Variants in ANKRD29 observed in about 807,000 individuals in gnomAD.
ANKRD29 encodes the protein ankyrin repeat domain-containing protein 29.
In ANKRD29, 32 loss-of-function variants were observed where a neutral mutation model predicts 38.0. That is an observed-to-expected ratio of 0.84 (90% CI 0.64 to 1.13). ANKRD29 has a LOEUF of 1.13. Among genes scored for constraint, ANKRD29 ranks in the 50% most tolerant of loss-of-function variants. The pLI is 0.00. For synonymous variants in ANKRD29, 135 were observed against 152.4 expected, an observed-to-expected ratio of 0.89 and a Z score of 0.84; for missense variants, 357 against 377.9, an observed-to-expected ratio of 0.94 and a Z score of 0.46.
At chr18:23,656,757 C>T (rs779426336) in intron 1 of ANKRD29, among the ~76,000 whole-genome samples, 12 of 151,970 alleles carry the variant, frequency 7.9e-5, no homozygotes, top group South Asian at 2.1e-4. Context: ...TTATTGTGGC[C>T]GTGGGTGCAT....
intron 1 of ANKRD29, among the ~76,000 whole-genome samples, chr18:23,657,264 A>C (rs1309322037): frequency 6.6e-6 from 1 of 152,102 alleles, no homozygotes; most frequent in Admixed American, 6.5e-5. Flanking sequence ...ATCCACACTC[A>C]ACCTCACCTC....
chr18:23,655,366 T>A (rs1473065467), intron 1 of ANKRD29, among the ~76,000 whole-genome samples: 1 of 152,148 alleles, frequency 6.6e-6, no homozygotes, highest in Non-Finnish European at 1.5e-5. Flanking sequence ...CTTTGTAGAA[T>A]AAGATACCCA....
chr18:23,648,622 G>C (rs886530536), intron 2 of ANKRD29: 5 of 328,918 alleles, frequency 1.5e-5, no homozygotes, highest in African/African-American at 4.2e-5. Flanking sequence ...TTGCCAATTA[G>C]TGTATTTATG....
chr18:23,648,854 A>G (rs908045380), intron 2 of ANKRD29: 2 of 457,948 alleles, frequency 4.4e-6, no homozygotes, highest in Admixed American at 4.1e-5. Flanking sequence ...CTCTTTCCCT[A>G]TTGTGGTTGC....
chr18:23,617,634 C>T, intron 8 of ANKRD29, 98 bp downstream of exon 8: 4 of 844,846 alleles, frequency 4.7e-6, no homozygotes, highest in Middle Eastern at 4.6e-4. Context: ...ATCCAACTAA[C>T]CAGGCTAACT....
chr18:23,662,891 G>A lies in ANKRD29; in HGVS notation c.-161C>T. 1 of 535,314 alleles carries A rather than the reference G, an allele frequency of 1.9e-6. No individual in the cohort carries two copies. Among genetic ancestry groups the A allele is most frequent in the Non-Finnish European group, 2.4e-6 (1 of 415,786 alleles). 33.2% of individuals were successfully genotyped at this position (535,314 alleles called of 1,614,324 possible). A position where few individuals can be genotyped will look rare whatever the true frequency, so the allele number is the denominator to read the frequency against. On this transcript the variant is annotated 5_prime_UTR_variant, in exon 1 of 10. Transcript: ENST00000592179. ...CCCGGCAGCAGCCGCCGCACACAGG[G>A]CCGGGCCGAAGGGGCGGCGCGGGGG...
intron 2 of ANKRD29, chr18:23,646,735 A>G (rs1176263781): frequency 6.4e-6 from 1 of 155,558 alleles, no homozygotes; most frequent in African/African-American, 2.4e-5. Context: ...ACCAGGTGAA[A>G]TGAGAGACTA....
At chr18:23,622,165 G>A (rs141631297) in intron 6 of ANKRD29, among the ~76,000 whole-genome samples, 509 of 152,296 alleles carry the variant, frequency 3.3e-3, no homozygotes, top group Non-Finnish European at 5.7e-3. Context: ...CTTGAAGAAG[G>A]ACCAGGATTT....
chr18:23,617,690 C>A (rs767318095), intron 8 of ANKRD29, 42 bp downstream of exon 8: 1 of 1,549,446 alleles, frequency 6.5e-7, no homozygotes, highest in Non-Finnish European at 8.9e-7. Context: ...TACTTTCTAA[C>A]CTCTCTCTTA....
rs909912466 is a variant in ANKRD29, at chr18:23,639,502, C to G, written c.232-555G>C. 1.2e-4 allele frequency among the ~76,000 whole-genome samples: 18 copies of G among 151,436 alleles called. No individual in the cohort carries two copies. In the South Asian group the frequency reaches 3.8e-3, roughly 32 times the overall value. On this transcript the variant is annotated intron_variant, in intron 3 of 9. Transcript: ENST00000592179. The stretch of plus-strand genomic sequence containing the variant: ...AGTGAAATAAGCTAGTCATAAAAGG[C>G]CAACAACTATGTATGATTTTACTGT...
chr18:23,630,380 C>T (rs1049083765), intron 5 of ANKRD29, among the ~76,000 whole-genome samples: 1 of 152,088 alleles, frequency 6.6e-6, no homozygotes, highest in Non-Finnish European at 1.5e-5. Context: ...GAGCTGAGAT[C>T]GCGCCACTTC....
chr18:23,623,647 TG>T (rs1353775245), intron 6 of ANKRD29, among the ~76,000 whole-genome samples: 11 of 150,890 alleles, frequency 7.3e-5, no homozygotes, highest in East Asian at 1.9e-4. Flanking sequence ...TGATTTCATA[TG>T]TTTTTTTTTT....
At chr18:23,607,979 G>A (rs948726781) in intron 9 of ANKRD29, among the ~76,000 whole-genome samples, 2 of 152,210 alleles carry the variant, frequency 1.3e-5, no homozygotes, top group African/African-American at 2.4e-5. Context: ...CATCTGTCTC[G>A]AAGCCCCAGA....
At chr18:23,658,168 G>T (rs2060308699) in intron 1 of ANKRD29, among the ~76,000 whole-genome samples, 1 of 152,164 alleles carries the variant, frequency 6.6e-6, no homozygotes, top group African/African-American at 2.4e-5. Flanking sequence ...CACTTTGGGA[G>T]GCCAAAGCAG....
chr18:23,631,838 A>G (rs1217787372), intron 5 of ANKRD29, among the ~76,000 whole-genome samples: 4 of 152,074 alleles, frequency 2.6e-5, no homozygotes, highest in Non-Finnish European at 5.9e-5. Context: ...CGTGTGGATC[A>G]GCTGAGAGCA....
At chr18:23,618,763 C>A (rs2059755380) in intron 7 of ANKRD29, 1 of 139,506 alleles carries the variant, frequency 7.2e-6, no homozygotes, top group South Asian at 2.2e-4. Flanking sequence ...GCCAAGAAAC[C>A]ACTTCGGCCT....
At chr18:23,628,891 T>C (rs2059894531) in intron 6 of ANKRD29, among the ~76,000 whole-genome samples, 2 of 152,048 alleles carry the variant, frequency 1.3e-5, no homozygotes, top group Middle Eastern at 3.4e-3. Flanking sequence ...CAAGAGAAGC[T>C]AATTATAATA....
In ANKRD29 at chr18:23,612,942, A is replaced by T. The variant is rs184479598; in HGVS notation, c.724-752T>A. Among the ~76,000 whole-genome samples, 9 of 152,296 alleles carry T rather than the reference A, an allele frequency of 5.9e-5. No individual in the cohort carries two copies. In the South Asian group the frequency reaches 1.0e-3, roughly 18 times the overall value. On this transcript the variant is annotated intron_variant, in intron 8 of 9. Coordinates refer to ENST00000592179, the MANE Select transcript of ANKRD29 (RefSeq NM_173505.4). Reference sequence around the variant, plus strand: ...CTAGAGGGTACATATGTCCATAAATAGTACCTAATGCAAACTTAGTTTCCT... The same window carrying T: ...CTAGAGGGTACATATGTCCATAAATTGTACCTAATGCAAACTTAGTTTCCT...
chr18:23,654,279 A>ACAAT (rs2060248803), intron 1 of ANKRD29, among the ~76,000 whole-genome samples: 1 of 136,516 alleles, frequency 7.3e-6, no homozygotes, highest in Non-Finnish European at 1.5e-5. Context: ...GCCTCCACAA[A>ACAAT]AAATAAATAA....
Sources: gnomAD v4.1 joint callset for allele counts (sites outside exome capture counted in the v4.1 genomes callset) on GRCh38, gnomAD v4.1.1 for gene constraint, MANE v1.5 for transcripts, NCBI Gene and HGNC (gene_info 2026-07-23, HGNC 2026-07-21) for gene names.